ROR1: variants seen among roughly 807,000 people sequenced by gnomAD.
The protein encoded by ROR1 is inactive tyrosine-protein kinase transmembrane receptor ROR1.
In ROR1, 19 loss-of-function variants were observed where a neutral mutation model predicts 78.8. That is an observed-to-expected ratio of 0.24 (90% CI 0.17 to 0.35). The LOEUF is 0.35. Ranked by LOEUF, ROR1 falls within the 10% of genes least tolerant of loss-of-function variation. ROR1 has a pLI of 1.00. For missense variants in ROR1, 917 were observed against 1,177.8 expected (o/e 0.78, Z 3.24); for synonymous variants, 386 against 433.6 (o/e 0.89, Z 1.36).
At chr1:64,046,110 T>C (rs1447815013) in intron 2 of ROR1, among the ~76,000 whole-genome samples, 1 of 152,078 alleles carries the variant, frequency 6.6e-6, no homozygotes, top group Non-Finnish European at 1.5e-5. Context: ...CAGCTGCCCA[T>C]ATAGAAACAC....
intron 8 of ROR1, among the ~76,000 whole-genome samples, chr1:64,171,924 C>T (rs1254049970): frequency 6.6e-6 from 1 of 152,158 alleles, no homozygotes; most frequent in Non-Finnish European, 1.5e-5. Context: ...TAATCACTTC[C>T]TTAAAGTAAG....
chr1:63,817,304 G>C (rs1303709527), intron 1 of ROR1, among the ~76,000 whole-genome samples: 5 of 152,142 alleles, frequency 3.3e-5, no homozygotes, highest in African/African-American at 1.2e-4. Context: ...GTATAGCCGG[G>C]GCAGAGGGAG....
chr1:63,857,076 A>G (rs924797339), intron 1 of ROR1, among the ~76,000 whole-genome samples: 5 of 152,110 alleles, frequency 3.3e-5, no homozygotes, highest in African/African-American at 1.2e-4. Flanking sequence ...CAGTTGCTCA[A>G]TAAGTACTTG....
chr1:63,998,522 G>A (rs1646357662), intron 1 of ROR1, among the ~76,000 whole-genome samples: 1 of 152,052 alleles, frequency 6.6e-6, no homozygotes, highest in Non-Finnish European at 1.5e-5. Context: ...ATTCTATTTT[G>A]CCATTGGTCT....
At chr1:64,141,706 G>A (rs1028765657) in intron 6 of ROR1, among the ~76,000 whole-genome samples, 7 of 151,972 alleles carry the variant, frequency 4.6e-5, no homozygotes, top group African/African-American at 1.7e-4. Context: ...CCTTTTGATC[G>A]TTAATACTAT....
At chr1:63,786,771 A>G (rs1569705114) in intron 1 of ROR1, among the ~76,000 whole-genome samples, 5 of 151,966 alleles carry the variant, frequency 3.3e-5, no homozygotes, top group African/African-American at 1.2e-4. Context: ...AAATACACAG[A>G]GCAATTGATC....
chr1:64,153,849 A>G (rs868675988), intron 7 of ROR1, among the ~76,000 whole-genome samples: 2 of 152,192 alleles, frequency 1.3e-5, no homozygotes, highest in African/African-American at 2.4e-5. Context: ...TATATGTAAC[A>G]TTATTGAAAT....
intron 1 of ROR1, among the ~76,000 whole-genome samples, chr1:63,953,604 G>A (rs1390325040): frequency 6.6e-6 from 1 of 152,184 alleles, no homozygotes; most frequent in African/African-American, 2.4e-5. Flanking sequence ...GAGAGAATGT[G>A]CATACAGTGT....
At chr1:63,796,442 C>A (rs1644760868) in intron 1 of ROR1, among the ~76,000 whole-genome samples, 1 of 152,146 alleles carries the variant, frequency 6.6e-6, no homozygotes, top group Non-Finnish European at 1.5e-5. Flanking sequence ...TTAACATGAT[C>A]CCAGGTGATT....
chr1:64,014,773 T>TATATATAC (rs71056017), intron 2 of ROR1, among the ~76,000 whole-genome samples: 1 of 47,012 alleles, frequency 2.1e-5, no homozygotes, highest in African/African-American at 5.5e-5. Context: ...TATATATATA[T>TATATATAC]ACACATTTTG....
chr1:63,999,221 A>C (rs532977864), intron 1 of ROR1, among the ~76,000 whole-genome samples: 3 of 152,358 alleles, frequency 2.0e-5, no homozygotes, highest in African/African-American at 7.2e-5. Flanking sequence ...CCAAGTTTGC[A>C]GGCAAAGACA....
chr1:63,970,670 A>T (rs1646111993), intron 1 of ROR1, among the ~76,000 whole-genome samples: 1 of 152,228 alleles, frequency 6.6e-6, no homozygotes, highest in South Asian at 2.1e-4. Flanking sequence ...AAAAATGCCT[A>T]AGTAAGAATA....
intron 1 of ROR1, among the ~76,000 whole-genome samples, chr1:63,856,022 A>G (rs146930843): frequency 2.0e-3 from 306 of 152,086 alleles, no homozygotes; most frequent in African/African-American, 6.9e-3. Flanking sequence ...ATATAGTTAT[A>G]ATAACCATTT....
intron 7 of ROR1, among the ~76,000 whole-genome samples, chr1:64,145,292 A>G (rs1649444402): frequency 6.6e-6 from 1 of 152,212 alleles, no homozygotes; most frequent in African/African-American, 2.4e-5. Flanking sequence ...TATGGAACAA[A>G]GAAGGGGAAG....
At chr1:64,020,577 A>G (rs867700440) in intron 2 of ROR1, among the ~76,000 whole-genome samples, 20 of 152,172 alleles carry the variant, frequency 1.3e-4, no homozygotes, top group African/African-American at 4.8e-4. Context: ...AATAAGACTT[A>G]TCCTGGAATA....
At chr1:63,785,056 T>C (rs558419824) in intron 1 of ROR1, among the ~76,000 whole-genome samples, 2 of 152,310 alleles carry the variant, frequency 1.3e-5, no homozygotes, top group East Asian at 3.9e-4. Context: ...AAATAGAACA[T>C]GCTGCCTGAA....
chr1:63,953,403 C>T (rs1272514529), intron 1 of ROR1, among the ~76,000 whole-genome samples: 2 of 152,116 alleles, frequency 1.3e-5, no homozygotes, highest in Non-Finnish European at 2.9e-5. Context: ...GTACCTATGA[C>T]AACAATAATA....
intron 1 of ROR1, among the ~76,000 whole-genome samples, chr1:63,858,692 C>T (rs981258052): frequency 1.3e-5 from 2 of 152,112 alleles, no homozygotes; most frequent in African/African-American, 4.8e-5. Context: ...ACTTCCCTGA[C>T]CCCTAGTGCC....
At chr1:64,044,632 T>G (rs901106275) in intron 2 of ROR1, among the ~76,000 whole-genome samples, 4 of 152,178 alleles carry the variant, frequency 2.6e-5, no homozygotes, top group Non-Finnish European at 5.9e-5. Flanking sequence ...CCAAGTACTA[T>G]GACTGTCTCA....
Sources: allele counts gnomAD v4.1 joint callset (sites outside exome capture counted in the v4.1 genomes callset), GRCh38; gene constraint gnomAD v4.1.1; transcripts MANE v1.5; gene names NCBI Gene and HGNC (gene_info 2026-07-23, HGNC 2026-07-21).